UBTD2: variants seen among roughly 807,000 people sequenced by gnomAD.
UBTD2 encodes the protein ubiquitin domain containing 2.
Under a neutral mutation model 19.8 loss-of-function variants are expected in UBTD2, and 9 were observed. The observed-to-expected ratio is 0.46, with a 90% CI of 0.27 to 0.79. UBTD2 has a LOEUF of 0.79. UBTD2 is among the 30% of genes least tolerant of loss of function. The pLI is 0.14. For missense variants in UBTD2, 250 were observed against 300.4 expected, an observed-to-expected ratio of 0.83 and a Z score of 1.24; for synonymous variants, 98 against 103.9, an observed-to-expected ratio of 0.94 and a Z score of 0.35.
At chr5:172,255,308 G>T in intron 1 of UBTD2, 3 of 451,960 alleles carry the variant, frequency 6.6e-6, no homozygotes, top group Admixed American at 2.6e-5. Context: ...AACTCATCAG[G>T]CAATTGTGTG....
chr5:172,264,731 C>A (rs1397750223), intron 1 of UBTD2, among the ~76,000 whole-genome samples: 1 of 151,780 alleles, frequency 6.6e-6, no homozygotes, highest in Non-Finnish European at 1.5e-5. Flanking sequence ...AAAAAATTAA[C>A]CAGGCATAGT....
At chr5:172,243,770 C>T (rs1772180099) in intron 1 of UBTD2, among the ~76,000 whole-genome samples, 1 of 151,864 alleles carries the variant, frequency 6.6e-6, no homozygotes, top group African/African-American at 2.4e-5. Context: ...ACCATGTTGG[C>T]CAGGCTGGTC....
intron 1 of UBTD2, among the ~76,000 whole-genome samples, chr5:172,248,951 A>G (rs1754936594): frequency 1.3e-5 from 2 of 151,756 alleles, no homozygotes; most frequent in Admixed American, 6.6e-5. Flanking sequence ...GGGGAAGAAA[A>G]TTAGAGCAGA....
intron 2 of UBTD2, among the ~76,000 whole-genome samples, chr5:172,217,268 A>T (rs566591641): frequency 2.8e-4 from 42 of 151,640 alleles, no homozygotes; most frequent in African/African-American, 7.7e-4. Flanking sequence ...AAAAAAAAAA[A>T]ATTAGCCAGG....
chr5:172,278,971 T>A (rs1165978555), intron 1 of UBTD2, among the ~76,000 whole-genome samples: 1 of 151,752 alleles, frequency 6.6e-6, no homozygotes, highest in Non-Finnish European at 1.5e-5. Flanking sequence ...AGAGATGGGG[T>A]TTCTCCATGT....
At chr5:172,278,880 T>C (rs540488362) in intron 1 of UBTD2, among the ~76,000 whole-genome samples, 14 of 152,284 alleles carry the variant, frequency 9.2e-5, no homozygotes, top group African/African-American at 3.4e-4. Flanking sequence ...GTTCAAGCGA[T>C]TCTCCTGCCT....
chr5:172,251,795 T>C (rs1343882617), intron 1 of UBTD2, among the ~76,000 whole-genome samples: 1 of 152,190 alleles, frequency 6.6e-6, no homozygotes, highest in African/African-American at 2.4e-5. Context: ...AGAAAGGACG[T>C]CAATGAGAAA....
chr5:172,212,971 G>A (rs1027101894), intron 2 of UBTD2, among the ~76,000 whole-genome samples: 2 of 140,808 alleles, frequency 1.4e-5, no homozygotes, highest in East Asian at 2.2e-4. Flanking sequence ...CAGCCCTAGA[G>A]CAGTTTTCTT....
At chr5:172,274,210 G>T (rs897534518) in intron 1 of UBTD2, among the ~76,000 whole-genome samples, 2 of 147,864 alleles carry the variant, frequency 1.4e-5, no homozygotes, top group African/African-American at 5.0e-5. Flanking sequence ...GCACAATCTC[G>T]GCTCACTGCA....
intron 1 of UBTD2, among the ~76,000 whole-genome samples, chr5:172,243,000 T>G (rs1772161717): frequency 1.3e-5 from 2 of 152,086 alleles, no homozygotes; most frequent in Non-Finnish European, 2.9e-5. Context: ...TCCTTCAAAT[T>G]GCTTTTTTGT....
intron 2 of UBTD2, among the ~76,000 whole-genome samples, chr5:172,217,241 G>A (rs546698738): frequency 6.9e-6 from 1 of 144,114 alleles, no homozygotes; most frequent in African/African-American, 2.6e-5. Context: ...GTGAAACCCT[G>A]TCTGTAGTAA....
chr5:172,234,437 CTT>C (rs1771968583), intron 1 of UBTD2, 79 bp from the exon 2 acceptor site: 3 of 1,203,596 alleles, frequency 2.5e-6, no homozygotes, highest in East Asian at 2.4e-5. Context: ...TCATTCCTCT[CTT>C]GGATTATTTC....
At chr5:172,258,761 T>G (rs919732355) in intron 1 of UBTD2, among the ~76,000 whole-genome samples, 1 of 152,156 alleles carries the variant, frequency 6.6e-6, no homozygotes, top group East Asian at 1.9e-4. Context: ...TCGGCTTGGA[T>G]GTTATTGTGT....
At chr5:172,257,060 G>A (rs1213344152) in intron 1 of UBTD2, among the ~76,000 whole-genome samples, 1 of 152,120 alleles carries the variant, frequency 6.6e-6, no homozygotes, top group African/African-American at 2.4e-5. Flanking sequence ...TGTCACTGGG[G>A]TTTGGAGTAC....
chr5:172,218,464 G>A (rs1771587568), intron 2 of UBTD2, among the ~76,000 whole-genome samples: 1 of 151,962 alleles, frequency 6.6e-6, no homozygotes, highest in Admixed American at 6.6e-5. Context: ...AGAAATCAAT[G>A]AAATGGAAAA....
chr5:172,242,840 T>C (rs1386124710), intron 1 of UBTD2, among the ~76,000 whole-genome samples: 2 of 152,338 alleles, frequency 1.3e-5, no homozygotes, highest in African/African-American at 4.8e-5. Context: ...GTCATTCTTT[T>C]CTTCCTTTAA....
intron 1 of UBTD2, among the ~76,000 whole-genome samples, chr5:172,247,704 T>A (rs1318408233): frequency 6.6e-6 from 1 of 152,130 alleles, no homozygotes; most frequent in Non-Finnish European, 1.5e-5. Flanking sequence ...AAGCACAGAA[T>A]TGAAGGGAGA....
At chr5:172,238,107 T>C (rs1172209935) in intron 1 of UBTD2, among the ~76,000 whole-genome samples, 3 of 152,236 alleles carry the variant, frequency 2.0e-5, no homozygotes, top group African/African-American at 4.8e-5. Context: ...CTCATGTTTG[T>C]ACCAAGCCAA....
intron 1 of UBTD2, among the ~76,000 whole-genome samples, chr5:172,248,386 G>A (rs1345201116): frequency 2.6e-5 from 4 of 152,038 alleles, no homozygotes; most frequent in Admixed American, 2.0e-4. Flanking sequence ...TCAGGAATTC[G>A]AGACCAGCCT....
Sources: allele counts gnomAD v4.1 joint callset (sites outside exome capture counted in the v4.1 genomes callset), GRCh38; gene constraint gnomAD v4.1.1; transcripts MANE v1.5; gene names NCBI Gene and HGNC (gene_info 2026-07-23, HGNC 2026-07-21).